CDH9: variants seen among roughly 807,000 people sequenced by gnomAD.
CDH9 encodes the protein cadherin-9.
CDH9 carries 28 observed loss-of-function variants against 70.9 expected under a neutral mutation model. The ratio of observed to expected loss-of-function variants is 0.40; its 90% CI spans 0.29 to 0.54. CDH9 has a LOEUF of 0.54. Ranked by LOEUF, CDH9 falls within the 20% of genes least tolerant of loss-of-function variation. The probability of loss-of-function intolerance (pLI) is 0.59; values close to 1 mark genes in which losing one functional copy is unlikely to be tolerated. For synonymous variants in CDH9, 409 were observed against 343.1 expected, an observed-to-expected ratio of 1.19 and a Z score of -2.12; for missense variants, 874 against 984.4, an observed-to-expected ratio of 0.89 and a Z score of 1.50.
At chr5:26,892,016 G>A (rs541254907) in intron 7 of CDH9, among the ~76,000 whole-genome samples, 2 of 151,940 alleles carry the variant, frequency 1.3e-5, no homozygotes, top group Non-Finnish European at 2.9e-5. Flanking sequence ...TGTTCACACC[G>A]CCCACCTTGA....
chr5:26,930,069 G>A (rs10067166), intron 2 of CDH9, among the ~76,000 whole-genome samples: 14,682 of 151,958 alleles, frequency 0.097, 890 homozygotes, highest in East Asian at 0.19. Context: ...TGTGATTATT[G>A]TGCATTGTAT....
intron 11 of CDH9, among the ~76,000 whole-genome samples, chr5:26,881,943 A>T (rs1015746352): frequency 1.3e-5 from 2 of 152,066 alleles, no homozygotes; most frequent in African/African-American, 2.4e-5. Flanking sequence ...ATGTGCACTC[A>T]TTTCAAATAC....
chr5:26,884,983 A>T (rs976199823), intron 11 of CDH9, among the ~76,000 whole-genome samples: 35 of 152,254 alleles, frequency 2.3e-4, no homozygotes, highest in African/African-American at 7.2e-4. Flanking sequence ...CAGAATTTTA[A>T]TTTTTTAATT....
intron 2 of CDH9, among the ~76,000 whole-genome samples, chr5:26,930,165 A>G (rs1741417269): frequency 6.6e-6 from 1 of 152,062 alleles, no homozygotes; most frequent in Non-Finnish European, 1.5e-5. Flanking sequence ...AAATAATTAT[A>G]TAGAAATATT....
Position 26,881,233 on chromosome 5 carries a change from G to T in CDH9, c.2273C>A (p.Ala758Asp), listed in dbSNP as rs1740456137. The T allele has an allele frequency of 6.2e-7, 1 of 1,613,338 alleles. No individual in the cohort carries two copies. Among genetic ancestry groups the T allele is most frequent in the Non-Finnish European group, 8.5e-7 (1 of 1,179,428 alleles). ...DSLSSLESLT[A>D]DCNQDYDYLS... ...GTAATCATAATCTTGGTTACAATCA[G>T]CTGTGAGAGATTCCAAAGAACTGAG... The change falls in exon 12 of 12, where the codon GCT becomes GAT. Residue 758 changes from alanine to aspartate, a missense_variant. By Grantham distance (126) the Ala-to-Asp change is moderately radical. Coordinates refer to ENST00000231021, the MANE Select transcript of CDH9 (RefSeq NM_016279.4).
intron 1 of CDH9, chr5:27,028,177 AAGACCAG>A (rs1214022347): frequency 2.6e-5 from 4 of 151,998 alleles, no homozygotes; most frequent in Non-Finnish European, 5.9e-5. Flanking sequence ...TCAGGAATTC[AAGACCAG>A]CCTGGCCAAC....
At chr5:26,956,808 G>A (rs1296844468) in intron 2 of CDH9, among the ~76,000 whole-genome samples, 1 of 152,058 alleles carries the variant, frequency 6.6e-6, no homozygotes, top group Non-Finnish European at 1.5e-5. Flanking sequence ...CAGTCATGCT[G>A]TTATGGGATC....
intron 2 of CDH9, among the ~76,000 whole-genome samples, chr5:26,985,376 T>C (rs759441627): frequency 1.3e-5 from 2 of 152,218 alleles, no homozygotes; most frequent in Non-Finnish European, 2.9e-5. Flanking sequence ...CTGAGGGTTG[T>C]CAAATTTAAA....
intron 2 of CDH9, among the ~76,000 whole-genome samples, chr5:26,985,178 C>CT (rs1420895729): frequency 6.6e-6 from 1 of 152,210 alleles, no homozygotes; most frequent in African/African-American, 2.4e-5. Flanking sequence ...AGACCAGCCT[C>CT]TTTTTTTCTT....
chr5:26,892,501 A>G (rs973515953), intron 7 of CDH9, among the ~76,000 whole-genome samples: 6 of 152,206 alleles, frequency 3.9e-5, no homozygotes, highest in Non-Finnish European at 7.3e-5. Flanking sequence ...AAGCAATGCA[A>G]GACAATTAAC....
intron 2 of CDH9, among the ~76,000 whole-genome samples, chr5:26,923,536 A>G (rs1741284368): frequency 6.6e-6 from 1 of 152,070 alleles, no homozygotes; most frequent in African/African-American, 2.4e-5. Context: ...AAATCAACAA[A>G]GAAACATTGG....
intron 3 of CDH9, among the ~76,000 whole-genome samples, chr5:26,913,512 G>A (rs989600413): frequency 1.3e-5 from 2 of 152,036 alleles, no homozygotes; most frequent in Non-Finnish European, 1.5e-5. Flanking sequence ...CATTTTGTGG[G>A]AATTCTAGCC....
chr5:26,964,268 C>G (rs1266611878), intron 2 of CDH9, among the ~76,000 whole-genome samples: 1 of 151,918 alleles, frequency 6.6e-6, no homozygotes, highest in African/African-American at 2.4e-5. Context: ...TTTTTCAATT[C>G]TATATTTCAC....
At chr5:26,898,701 C>G (rs916405281) in intron 7 of CDH9, among the ~76,000 whole-genome samples, 1 of 152,060 alleles carries the variant, frequency 6.6e-6, no homozygotes, top group Non-Finnish European at 1.5e-5. Flanking sequence ...AACGTAAGAC[C>G]TAAAACCATA....
intron 1 of CDH9, among the ~76,000 whole-genome samples, chr5:27,032,989 C>T (rs1453257418): frequency 6.6e-6 from 1 of 150,682 alleles, no homozygotes; most frequent in Non-Finnish European, 1.5e-5. Context: ...ATTTCTCATC[C>T]ACTGTAAATG....
At chr5:26,909,076 C>A (rs1383323893) in intron 3 of CDH9, among the ~76,000 whole-genome samples, 1 of 152,088 alleles carries the variant, frequency 6.6e-6, no homozygotes, top group East Asian at 1.9e-4. Flanking sequence ...CTCCGCCTCC[C>A]GGGTTCACGC....
chr5:26,982,480 T>C (rs957621089), intron 2 of CDH9, among the ~76,000 whole-genome samples: 12 of 152,146 alleles, frequency 7.9e-5, no homozygotes, highest in African/African-American at 2.4e-4. Flanking sequence ...TTTCATAATG[T>C]CAATTTCTCA....
intron 2 of CDH9, among the ~76,000 whole-genome samples, chr5:26,918,576 A>C (rs1193594425): frequency 6.6e-6 from 1 of 152,228 alleles, no homozygotes; most frequent in Non-Finnish European, 1.5e-5. Flanking sequence ...AGTTGAATGG[A>C]TAGACTTGAA....
In CDH9 at chr5:26,983,741, T is replaced by A. The variant is rs1579493612; in HGVS notation, c.228+4365A>T. Among the ~76,000 whole-genome samples, 4 of 152,284 alleles carry A rather than the reference T, an allele frequency of 2.6e-5. 1 individual carries two copies. Among genetic ancestry groups the A allele is most frequent in the Admixed American group, 2.6e-4 (4 of 15,292 alleles). On this transcript the variant is annotated intron_variant, in intron 2 of 11. Transcript: ENST00000231021. ...TTATAAACATATTTTACTTAGATTCTGGAAAACACTGTGATATACTATAAC... is the reference window on the plus strand; with the variant it reads ...TTATAAACATATTTTACTTAGATTCAGGAAAACACTGTGATATACTATAAC...
Sources: allele counts gnomAD v4.1 joint callset (sites outside exome capture counted in the v4.1 genomes callset), GRCh38; gene constraint gnomAD v4.1.1; transcripts MANE v1.5; gene names NCBI Gene and HGNC (gene_info 2026-07-23, HGNC 2026-07-21).